The following CYB5R2 variants were observed in gnomAD, a reference collection of about 807,000 sequenced individuals.
CYB5R2 encodes the protein NADH-cytochrome b5 reductase 2.
Under a neutral mutation model 29.8 loss-of-function variants are expected in CYB5R2, and 35 were observed. That is an observed-to-expected ratio of 1.17 (90% CI 0.90 to 1.56). The LOEUF is 1.56. Among genes scored for constraint, CYB5R2 ranks in the 40% most tolerant of loss-of-function variants. The pLI, the probability that CYB5R2 is intolerant of heterozygous loss-of-function variation, is 0.00. For synonymous variants in CYB5R2, 169 were observed against 130.6 expected (o/e 1.29, Z -2.01); for missense variants, 419 against 346.7 (o/e 1.21, Z -1.66).
intron 2 of CYB5R2, 111 bp downstream of exon 2, chr11:7,672,637 C>CACACAA (rs1855822688): frequency 1.3e-6 from 2 of 1,510,294 alleles, no homozygotes; most frequent in Non-Finnish European, 1.8e-6. Flanking sequence ...CACACACACA[C>CACACAA]ACACAGGGCG....
intron 8 of CYB5R2, 62 bp from the exon 9 acceptor site, chr11:7,665,608 C>T: frequency 6.6e-7 from 1 of 1,507,790 alleles, no homozygotes; most frequent in Non-Finnish European, 8.9e-7. Context: ...TGATCCCAGG[C>T]CGCCTGCACA....
Position 7,665,251 on chromosome 11 carries a change from A to C in CYB5R2, c.*123T>G. Reference sequence around the variant, plus strand: ...GGCCCACACCCAAAAGAGGAGAACCAGTGTGTGCGCGAAGGTACATGGCAA... The same window carrying C: ...GGCCCACACCCAAAAGAGGAGAACCCGTGTGTGCGCGAAGGTACATGGCAA... On this transcript the variant is annotated 3_prime_UTR_variant, in exon 9 of 9. Coordinates refer to ENST00000299498, the MANE Select transcript of CYB5R2 (RefSeq NM_016229.5). 1.2e-6 allele frequency: 1 copy of C among 818,018 alleles called. No individual in the cohort carries two copies. Among genetic ancestry groups the C allele is most frequent in the Non-Finnish European group, 1.9e-6 (1 of 538,932 alleles). 50.7% of individuals were successfully genotyped at this position (818,018 alleles called of 1,614,324 possible).
chr11:7,669,610 G>T lies in CYB5R2; in HGVS notation c.258+15C>A, dbSNP rs369005000. ...TGGAAGCACGAGCTAGCCAGATATG[G>T]TGGGCACTATTTACCTTTATAATTA... On this transcript the variant is annotated intron_variant, in intron 4 of 8. Coordinates refer to ENST00000299498, the MANE Select transcript of CYB5R2 (RefSeq NM_016229.5). The T allele has an allele frequency of 6.4e-7, 1 of 1,560,368 alleles. No homozygotes were observed. The highest frequency in any genetic ancestry group is 8.7e-7 in the Non-Finnish European group (1 of 1,149,846).
rs1855398249 is a variant in CYB5R2, at chr11:7,667,718, AG to A, written c.558+9del. 1 of 1,610,048 alleles carries A rather than the reference AG, an allele frequency of 6.2e-7. No homozygotes were observed. The highest frequency in any genetic ancestry group is 8.5e-7 in the Non-Finnish European group (1 of 1,176,232). On this transcript the variant is annotated intron_variant, in intron 7 of 8. Coordinates refer to ENST00000299498, the MANE Select transcript of CYB5R2 (RefSeq NM_016229.5). ...TCCATCCTACCACTGCAAGCTCAGC[AG>A]GAACTGACCTGGTTGGCAAAGATGA...
Position 7,665,911 on chromosome 11 carries a change from TAGGG to T in CYB5R2, c.659-369_659-366del, listed in dbSNP as rs1427858037. The T allele has an allele frequency of 2.0e-6, 3 of 1,535,964 alleles. No individual in the cohort carries two copies. The East Asian group carries it at 7.3e-5, about 38-fold the overall frequency. ...AGTGGAACTGCGCAGAATTGCTCAG[TAGGG>T]TAGCGCCCTCTGCCGACCAGGGACC... On this transcript the variant is annotated intron_variant, in intron 8 of 8. Transcript: ENST00000299498.
chr11:7,674,202 C>A, upstream of CYB5R2: 1 of 1,268,002 alleles, frequency 7.9e-7, no homozygotes, highest in Non-Finnish European at 1.0e-6. Context: ...GCAAAGAGCG[C>A]GCGAATATAT....
Position 7,667,768 on chromosome 11 carries a change from G to A in CYB5R2, c.518C>T (p.Pro173Leu), listed in dbSNP as rs767598300. Residue 173 changes from proline (P) to leucine (L), a missense_variant, in exon 7 of 9, where the codon CCC becomes CTC. Coordinates refer to ENST00000299498, the MANE Select transcript of CYB5R2 (RefSeq NM_016229.5). ...LQLIRHITKD[P>L]SDRTRMSLIF... ...GAGGGACATCCTGGTCCTGTCACTG[G>A]GGTCCTTGGTGATGTGGCGAATGAG... is the stretch of plus-strand genomic sequence containing the variant. 1.2e-6 allele frequency: 2 copies of A among 1,614,190 alleles called. No individual in the cohort carries two copies. The highest frequency in any genetic ancestry group is 8.5e-7 in the Non-Finnish European group (1 of 1,180,030).
chr11:7,665,574 C>A (rs1487830430), intron 8 of CYB5R2, 28 bp from the exon 9 acceptor site: 1 of 1,575,180 alleles, frequency 6.3e-7, no homozygotes. Flanking sequence ...CAGGAGCAAG[C>A]TGAGCGATGC....
At chr11:7,672,611 G>A in intron 2 of CYB5R2, 88 bp from the exon 3 acceptor site, 2 of 1,328,874 alleles carry the variant, frequency 1.5e-6, no homozygotes, top group Admixed American at 1.9e-5. Context: ...GGTCCGTTTG[G>A]CGCTATTCCA....
chr11:7,673,850 G>A, upstream of CYB5R2: 2 of 988,082 alleles, frequency 2.0e-6, no homozygotes, highest in South Asian at 4.6e-5. Context: ...ACCCGGACAC[G>A]CACGCCCGGG....
chr11:7,672,768 G>C lies in CYB5R2; in HGVS notation c.58C>G (p.Leu20Val), dbSNP rs1855835369. Residue 20 changes from leucine (L) to valine (V), a missense_variant, in exon 2 of 9, where the codon CTG becomes GTG. By Grantham distance (32) the Leu-to-Val change is conservative. Coordinates refer to ENST00000299498, the MANE Select transcript of CYB5R2 (RefSeq NM_016229.5). ...TLQDPEAKYP[L>V]PLIEKEKISH... is the part of the protein sequence containing the mutation. ...ATTACCTCTTTCTCAATCAAGGGCA[G>C]CGGGTACTTGGCTTCAGGGTCCTGT... 1 of 1,614,216 alleles carries C rather than the reference G, an allele frequency of 6.2e-7. No individual in the cohort carries two copies.
chr11:7,671,470 A>C (rs748516806), intron 3 of CYB5R2: 1 of 152,270 alleles, frequency 6.6e-6, no homozygotes, highest in Non-Finnish European at 1.5e-5. Flanking sequence ...GCAATTCTCT[A>C]TCTCAAAGTT....
chr11:7,665,776 T>C, intron 8 of CYB5R2: 3 of 1,447,472 alleles, frequency 2.1e-6, no homozygotes, highest in Non-Finnish European at 2.8e-6. Flanking sequence ...GCCCTGCTGC[T>C]GTCTGTCAGC....
intron 2 of CYB5R2, 50 bp from the exon 3 acceptor site, chr11:7,672,573 C>A: frequency 6.3e-7 from 1 of 1,588,210 alleles, no homozygotes; most frequent in Non-Finnish European, 8.6e-7. Context: ...AGAAGCCTTG[C>A]TGGGCAGCTG....
Position 7,668,555 on chromosome 11 carries a change from A to G in CYB5R2, c.395T>C (p.Leu132Pro), listed in dbSNP as rs1362465932. The G allele has an allele frequency of 3.1e-6, 5 of 1,613,246 alleles. No individual in the cohort carries two copies. In the South Asian group the frequency reaches 4.4e-5, roughly 14 times the overall value. The part of the protein sequence containing the change: ...GRLFYHGPGN[L>P]GIRPDQTSEP... ...ACTCGTCTGGTCTGGTCTGATTCCA[A>G]GATTCCCTGGAAACACAGAGAATGC... The change falls in exon 6 of 9, where the codon CTT becomes CCT. Residue 132 changes from leucine to proline, a missense_variant. Leu to Pro is a moderately conservative substitution (Grantham distance 98). Coordinates refer to ENST00000299498, the MANE Select transcript of CYB5R2 (RefSeq NM_016229.5).
chr11:7,667,866 G>A (rs914684408), intron 6 of CYB5R2, 53 bp from the exon 7 acceptor site: 29 of 1,426,802 alleles, frequency 2.0e-5, no homozygotes, highest in Non-Finnish European at 2.7e-5. Flanking sequence ...GAAGCCCACA[G>A]TCCCTGACCT....
At position 7,665,400 on chromosome 11, in the gene CYB5R2, T is replaced by A; in HGVS notation, c.805A>T (p.Thr269Ser). The A allele has an allele frequency of 6.3e-7, 1 of 1,599,042 alleles. No homozygotes were observed. Among genetic ancestry groups the A allele is most frequent in the East Asian group, 2.2e-5 (1 of 44,690 alleles). ...TAGTAGGTGAAAATCATGTCCTGGG[T>A]ATAACCCAGCTTCTCCAGGTTAGGG... ...AHPNLEKLGY[T>S]QDMIFTY Residue 269 changes from threonine (T) to serine (S), a missense_variant, in exon 9 of 9, where the codon ACC (threonine) becomes TCC (serine). Thr to Ser is a moderately conservative substitution (Grantham distance 58, BLOSUM62 1). Transcript: ENST00000299498.
chr11:7,665,327 G>GAAAC lies in CYB5R2; in HGVS notation c.*43_*46dup. Reference sequence around the variant, plus strand: ...ACCGTGGTGAAATTGAACTTACTCTGAAACAGATGAAAAGGGACATGCAAA... The same window carrying GAAAC: ...ACCGTGGTGAAATTGAACTTACTCTGAAACAAACAGATGAAAAGGGACATGCAAA... On this transcript the variant is annotated 3_prime_UTR_variant, in exon 9 of 9. Coordinates refer to ENST00000299498, the MANE Select transcript of CYB5R2 (RefSeq NM_016229.5). The GAAAC allele has an allele frequency of 7.0e-7, 1 of 1,428,538 alleles. No homozygotes were observed. The highest frequency in any genetic ancestry group is 9.3e-7 in the Non-Finnish European group (1 of 1,069,968). 88.5% of individuals were successfully genotyped at this position (1,428,538 alleles called of 1,614,324 possible).
chr11:7,673,962 C>G, upstream of CYB5R2: 1 of 1,020,908 alleles, frequency 9.8e-7, no homozygotes, highest in Non-Finnish European at 1.2e-6. Flanking sequence ...GAGCCGCTGG[C>G]TCTGGGTCAG....
Sources: gnomAD v4.1 joint callset for allele counts on GRCh38, gnomAD v4.1.1 for gene constraint, MANE v1.5 for transcripts, NCBI Gene and HGNC (gene_info 2026-07-23, HGNC 2026-07-21) for gene names.